The following RGL3 variants were observed in gnomAD, a reference collection of about 807,000 sequenced individuals.
RGL3 encodes ral guanine nucleotide dissociation stimulator like 3.
In RGL3, 85 loss-of-function variants were observed where a neutral mutation model predicts 90.6. The observed-to-expected ratio is 0.94, with a 90% confidence interval of 0.79 to 1.12. The LOEUF is 1.12. Ranked by LOEUF, RGL3 falls within the 50% of genes most tolerant of loss-of-function variation. RGL3 has a pLI of 0.00. For synonymous variants in RGL3, 408 were observed against 385.5 expected (o/e 1.06, Z -0.68); for missense variants, 1,034 against 939.2 (o/e 1.10, Z -1.32).
At chr19:11,394,592 C>A in intron 18 of RGL3, 72 bp from the exon 19 acceptor site, 2 of 1,143,292 alleles carry the variant, frequency 1.7e-6, no homozygotes, top group Non-Finnish European at 2.6e-6. Context: ...ACCCGGGAGC[C>A]TCCTGCCACT....
intron 5 of RGL3, 31 bp from the exon 6 acceptor site, chr19:11,406,895 AGT>A (rs754839231): frequency 1.9e-6 from 3 of 1,598,848 alleles, no homozygotes; most frequent in Non-Finnish European, 8.5e-7. Flanking sequence ...CAAACTCTCA[AGT>A]TTGAATCCAA....
chr19:11,414,502 T>TATATATATATATATACACCTTC (rs1968953629), intron 5 of RGL3, among the ~76,000 whole-genome samples: 2 of 79,156 alleles, frequency 2.5e-5, no homozygotes, highest in Non-Finnish European at 4.7e-5. Flanking sequence ...TATATATATA[T>TATATATATATATATACACCTTC]ATATATATAT....
intron 2 of RGL3, 96 bp from the exon 3 acceptor site, chr19:11,417,155 T>TTG: frequency 8.1e-6 from 8 of 988,500 alleles, no homozygotes; most frequent in Non-Finnish European, 8.7e-6. Context: ...TCTTTTTTTT[T>TTG]TTGTTTTTTT....
chr19:11,407,060 A>G (rs1204295353), intron 5 of RGL3, 196 bp from the exon 6 acceptor site: 1 of 507,456 alleles, frequency 2.0e-6, no homozygotes. Flanking sequence ...ATCTCAGCTG[A>G]CCACAACCTC....
In RGL3 at chr19:11,397,427, C is replaced by G. The variant is rs776722608; in HGVS notation, c.1899+18G>C. ...AGGGCAGGGCAGCCTCCAGCAGACCCCCAGCCCAGCCCCTCACCAAGATGC... is the reference window on the plus strand; with the variant it reads ...AGGGCAGGGCAGCCTCCAGCAGACCGCCAGCCCAGCCCCTCACCAAGATGC... On this transcript the variant is annotated intron_variant, in intron 17 of 18. Coordinates refer to ENST00000380456, the MANE Select transcript of RGL3 (RefSeq NM_001035223.4). 1 of 1,595,496 alleles carries G rather than the reference C, an allele frequency of 6.3e-7. No homozygotes were observed. The highest frequency in any genetic ancestry group is 1.3e-5 in the African/African-American group (1 of 74,712).
rs1223174476 is a variant in RGL3 at position 11,414,403 on chromosome 19, TTA to T, written c.637+1532_637+1533del. Among the ~76,000 whole-genome samples the T allele has an allele frequency of 4.8e-3, 551 of 115,192 alleles. 16 individuals carry two copies. The highest frequency in any genetic ancestry group is 8.5e-3 in the Non-Finnish European group (480 of 56,312). 75.6% of individuals were successfully genotyped at this position (115,192 alleles called of 152,430 possible). A position where few individuals can be genotyped will look rare whatever the true frequency, so the allele number is the denominator to read the frequency against. ...TATATATACCTTTATATATATACCTTTATATATATATACCTTTATATATATAT... is the reference window on the plus strand; with the variant it reads ...TATATATACCTTTATATATATACCTTTATATATATACCTTTATATATATAT... On this transcript the variant is annotated intron_variant, in intron 5 of 18. Coordinates refer to ENST00000380456, the MANE Select transcript of RGL3 (RefSeq NM_001035223.4).
At chr19:11,414,134 CATAT>C (rs56098998) in intron 5 of RGL3, among the ~76,000 whole-genome samples, 2,523 of 30,238 alleles carry the variant, frequency 0.083, 137 homozygotes, top group Non-Finnish European at 0.094. Flanking sequence ...CTGGAGAAAT[CATAT>C]ATATATATAT....
intron 2 of RGL3, among the ~76,000 whole-genome samples, chr19:11,418,224 C>G (rs1244203255): frequency 7.5e-6 from 1 of 133,606 alleles, no homozygotes; most frequent in African/African-American, 2.8e-5. Flanking sequence ...GTCCCCTCCC[C>G]CTCCCGTCCC....
chr19:11,412,035 T>A (rs1398221614), intron 5 of RGL3, among the ~76,000 whole-genome samples: 1 of 152,082 alleles, frequency 6.6e-6, no homozygotes, highest in Non-Finnish European at 1.5e-5. Flanking sequence ...ATACCAACAC[T>A]TTGGGAGGCC....
At chr19:11,395,860 T>A (rs995776044) in intron 18 of RGL3, among the ~76,000 whole-genome samples, 2 of 150,640 alleles carry the variant, frequency 1.3e-5, no homozygotes, top group East Asian at 2.0e-4. Context: ...ATCTCTTGAC[T>A]TCGTGATCCA....
chr19:11,418,879 G>A, intron 1 of RGL3, 95 bp from the exon 2 acceptor site: 1 of 964,232 alleles, frequency 1.0e-6, no homozygotes, highest in Non-Finnish European at 1.5e-6. Context: ...TCCTCCTGCT[G>A]CATCCCCACG....
In RGL3 at chr19:11,394,599, C is replaced by T. The variant is rs1968533370; in HGVS notation, c.2015-79G>A. 1.1e-5 allele frequency: 12 copies of T among 1,048,498 alleles called. No individual in the cohort carries two copies. The Admixed American group carries it at 2.1e-4, about 18-fold the overall frequency. 64.9% of individuals were successfully genotyped at this position (1,048,498 alleles called of 1,614,324 possible). A position where few individuals can be genotyped will look rare whatever the true frequency, so the allele number is the denominator to read the frequency against. On this transcript the variant is annotated intron_variant, in intron 18 of 18. Transcript: ENST00000380456. ...CACAGAGGACCCGGGAGCCTCCTGC[C>T]ACTCACCCGCGAACCTGAACAGCCA...
chr19:11,395,281 C>T (rs982790006), intron 18 of RGL3, among the ~76,000 whole-genome samples: 2 of 151,962 alleles, frequency 1.3e-5, no homozygotes, highest in East Asian at 1.9e-4. Flanking sequence ...CCAGCCTGCA[C>T]GAGCTTGTGG....
rs192349186 is a variant in RGL3 at position 11,412,704 on chromosome 19, C to T, written c.637+3233G>A. 3.0e-3 allele frequency among the ~76,000 whole-genome samples: 459 copies of T among 152,130 alleles called. 1 individual carries two copies. Among genetic ancestry groups the T allele is most frequent in the Admixed American group, 5.0e-3 (76 of 15,258 alleles). ...ATTCATAGTCGGGTGCGGTGGCTCA[C>T]GCCTGTAATCCCAGCACTTTGGGAG... On this transcript the variant is annotated intron_variant, in intron 5 of 18. Transcript: ENST00000380456.
At position 11,403,958 on chromosome 19, in the gene RGL3, T is replaced by G. The variant is rs578189145; in HGVS notation, c.1185+1189A>C. ...GTGCAGTGGCCTGATCTTGGCTCAC[T>G]GAAGGCTTGACCGCCCAAGTTCAAG... On this transcript the variant is annotated intron_variant, in intron 9 of 18. Coordinates refer to ENST00000380456, the MANE Select transcript of RGL3 (RefSeq NM_001035223.4). Among the ~76,000 whole-genome samples the G allele has an allele frequency of 2.0e-3, 303 of 152,262 alleles. 1 individual carries two copies. The highest frequency in any genetic ancestry group is 5.2e-3 in the South Asian group (25 of 4,830).
At chr19:11,406,699 C>T (rs1212879232) in intron 6 of RGL3, 23 bp downstream of exon 6, 2 of 1,612,508 alleles carry the variant, frequency 1.2e-6, no homozygotes, top group South Asian at 2.2e-5. Flanking sequence ...GTGGCTCATC[C>T]CGACCCTGTC....
chr19:11,414,490 C>CATATATATATATATATAT (rs57862666), intron 5 of RGL3, among the ~76,000 whole-genome samples: 3 of 27,866 alleles, frequency 1.1e-4, no homozygotes, highest in African/African-American at 3.5e-4. Flanking sequence ...TATACACCTT[C>CATATATATATATATATAT]ATATATATAT....
intron 9 of RGL3, among the ~76,000 whole-genome samples, chr19:11,404,224 C>T (rs1968729817): frequency 6.6e-6 from 1 of 152,192 alleles, no homozygotes; most frequent in Non-Finnish European, 1.5e-5. Flanking sequence ...CAGGGTTTCA[C>T]TCTGTTAGCC....
intron 18 of RGL3, among the ~76,000 whole-genome samples, chr19:11,396,609 C>T (rs2144714560): frequency 6.6e-6 from 1 of 151,292 alleles, no homozygotes; most frequent in African/African-American, 2.4e-5. Context: ...CCCAGCCCAT[C>T]CTACAAATTG....
Sources: gnomAD v4.1 joint callset for allele counts (sites outside exome capture counted in the v4.1 genomes callset) on GRCh38, gnomAD v4.1.1 for gene constraint, MANE v1.5 for transcripts, NCBI Gene and HGNC (gene_info 2026-07-23, HGNC 2026-07-21) for gene names.